The following THRB variants were observed in gnomAD, a reference collection of about 807,000 sequenced individuals.
THRB encodes the protein thyroid hormone receptor beta, also known as nuclear receptor subfamily 1 group A member 2.
Under a neutral mutation model 47.8 loss-of-function variants are expected in THRB, and 12 were observed. The ratio of observed to expected loss-of-function variants is 0.25; its 90% CI spans 0.16 to 0.41. The LOEUF (loss-of-function observed/expected upper bound fraction) is 0.41, where lower values mean the gene tolerates loss of function less well. THRB is among the 10% of genes least tolerant of loss of function. The pLI is 1.00. For synonymous variants in THRB, 218 were observed against 212.2 expected (o/e 1.03, Z -0.24); for missense variants, 348 against 589.2 (o/e 0.59, Z 4.24).
intron 5 of THRB, among the ~76,000 whole-genome samples, chr3:24,153,421 G>C (rs2037326819): frequency 6.6e-6 from 1 of 152,126 alleles, no homozygotes; most frequent in African/African-American, 2.4e-5. Context: ...AAAAAAGTTA[G>C]GTAAACTTGT....
At chr3:24,361,816 G>A (rs1267684946) in intron 1 of THRB, among the ~76,000 whole-genome samples, 1 of 152,062 alleles carries the variant, frequency 6.6e-6, no homozygotes, top group Admixed American at 6.6e-5. Context: ...ATGATGTGTT[G>A]AGTGAAATAT....
intron 1 of THRB, among the ~76,000 whole-genome samples, chr3:24,420,057 C>T (rs142929005): frequency 2.0e-5 from 3 of 151,962 alleles, no homozygotes; most frequent in African/African-American, 7.2e-5. Flanking sequence ...ATTTATCTTG[C>T]AGAGTTTTCC....
At chr3:24,403,818 T>TTG (rs1301150245) in intron 1 of THRB, among the ~76,000 whole-genome samples, 1 of 152,034 alleles carries the variant, frequency 6.6e-6, no homozygotes, top group Admixed American at 6.6e-5. Flanking sequence ...GGAAAAGCAC[T>TTG]TGTGTGACTG....
chr3:24,383,393 G>A (rs1158030513), intron 1 of THRB, among the ~76,000 whole-genome samples: 1 of 152,026 alleles, frequency 6.6e-6, no homozygotes, highest in Non-Finnish European at 1.5e-5. Context: ...TAGGGATTGG[G>A]GCTGAGGGAA....
chr3:24,233,560 G>GAAAGAAAGA (rs2048479796), intron 3 of THRB, among the ~76,000 whole-genome samples: 5 of 77,302 alleles, frequency 6.5e-5, no homozygotes, highest in Non-Finnish European at 1.4e-4. Flanking sequence ...AAAGAAAAAG[G>GAAAGAAAGA]AAGAAAGAAA....
rs1287725255 is a variant in THRB at position 24,125,274 on chromosome 3, CTCTT to C, written c.1145-2153_1145-2150del. Among the ~76,000 whole-genome samples the C allele has an allele frequency of 3.9e-5, 6 of 152,274 alleles. No homozygotes were observed. The East Asian group carries it at 1.2e-3, about 29-fold the overall frequency. On this transcript the variant is annotated intron_variant, in intron 10 of 10. Transcript: ENST00000646209. ...GAACATTGCTCCTGAGATCCACTCT[CTCTT>C]TGTTAAAAAAGAAGGTAAGTGTCAA...
intron 1 of THRB, among the ~76,000 whole-genome samples, chr3:24,469,418 T>A (rs2074395826): frequency 6.6e-6 from 1 of 152,166 alleles, no homozygotes; most frequent in Non-Finnish European, 1.5e-5. Flanking sequence ...CACTGATGCC[T>A]TTAGCATCAC....
chr3:24,480,938 T>C (rs907957554), intron 1 of THRB, among the ~76,000 whole-genome samples: 1 of 152,206 alleles, frequency 6.6e-6, no homozygotes, highest in Non-Finnish European at 1.5e-5. Flanking sequence ...CGATGGAGCT[T>C]GACACTTTCT....
intron 1 of THRB, among the ~76,000 whole-genome samples, chr3:24,463,627 C>T (rs537539690): frequency 6.6e-6 from 1 of 152,274 alleles, no homozygotes; most frequent in South Asian, 2.1e-4. Flanking sequence ...AAATATGTTG[C>T]TGCTACATAA....
At chr3:24,215,020 T>G (rs147827561) in intron 4 of THRB, among the ~76,000 whole-genome samples, 3 of 152,352 alleles carry the variant, frequency 2.0e-5, no homozygotes, top group African/African-American at 7.2e-5. Flanking sequence ...GACCTATCCA[T>G]CTTACAGATC....
chr3:24,406,223 C>T (rs1186347145), intron 1 of THRB, among the ~76,000 whole-genome samples: 3 of 151,442 alleles, frequency 2.0e-5, no homozygotes, highest in Non-Finnish European at 3.0e-5. Flanking sequence ...TATATTCCTT[C>T]TTATTTCTCA....
chr3:24,123,200 T>C, intron 10 of THRB, 75 bp from the exon 11 acceptor site: 1 of 1,602,494 alleles, frequency 6.2e-7, no homozygotes, highest in Non-Finnish European at 8.5e-7. Flanking sequence ...ATTCCAGGCC[T>C]TTATTGGGGG....
intron 2 of THRB, among the ~76,000 whole-genome samples, chr3:24,329,292 C>T (rs1326853954): frequency 6.6e-6 from 1 of 152,218 alleles, no homozygotes; most frequent in Non-Finnish European, 1.5e-5. Context: ...TTACAAATTA[C>T]ATTTCATGTC....
At chr3:24,241,855 G>C (rs1442432793) in intron 3 of THRB, among the ~76,000 whole-genome samples, 1 of 152,106 alleles carries the variant, frequency 6.6e-6, no homozygotes, top group East Asian at 1.9e-4. Flanking sequence ...CGGGTCCTAT[G>C]TTTCTGATGC....
intron 2 of THRB, among the ~76,000 whole-genome samples, chr3:24,307,978 G>C (rs998263073): frequency 2.6e-5 from 4 of 152,172 alleles, no homozygotes; most frequent in African/African-American, 9.7e-5. Flanking sequence ...CATCGCTGCA[G>C]CCTCTGTGAA....
chr3:24,338,285 C>A (rs2062398300), intron 1 of THRB, among the ~76,000 whole-genome samples: 2 of 152,170 alleles, frequency 1.3e-5, no homozygotes, highest in African/African-American at 4.8e-5. Context: ...GACAACCCCA[C>A]ACCAAGCCCA....
intron 8 of THRB, among the ~76,000 whole-genome samples, chr3:24,139,232 G>T (rs2035105180): frequency 6.6e-6 from 1 of 152,188 alleles, no homozygotes; most frequent in African/African-American, 2.4e-5. Flanking sequence ...GCTTTAAAGA[G>T]TGGCTTTAGA....
At chr3:24,412,783 A>G (rs2068415501) in intron 1 of THRB, among the ~76,000 whole-genome samples, 3 of 151,880 alleles carry the variant, frequency 2.0e-5, no homozygotes, top group African/African-American at 4.8e-5. Context: ...AAAAGTCACT[A>G]TTTTTACAAT....
chr3:24,484,914 A>G (rs1056244983), intron 1 of THRB, among the ~76,000 whole-genome samples: 11 of 152,268 alleles, frequency 7.2e-5, no homozygotes, highest in African/African-American at 2.7e-4. Flanking sequence ...AGACTTGTCC[A>G]GAATATTTTT....
Sources: allele counts gnomAD v4.1 joint callset (sites outside exome capture counted in the v4.1 genomes callset), GRCh38; gene constraint gnomAD v4.1.1; transcripts MANE v1.5; gene names NCBI Gene and HGNC (gene_info 2026-07-23, HGNC 2026-07-21).